The following CRTC1 variants were observed in gnomAD, a reference collection of about 807,000 sequenced individuals.
CRTC1 encodes the protein CREB regulated transcription coactivator 1.
In CRTC1, 18 loss-of-function variants were observed where a neutral mutation model predicts 66.1. The observed-to-expected ratio is 0.27, with a 90% CI of 0.19 to 0.40. CRTC1 has a LOEUF of 0.40. Ranked by LOEUF, CRTC1 falls within the 10% of genes least tolerant of loss-of-function variation. The pLI, the probability that CRTC1 is intolerant of heterozygous loss-of-function variation, is 1.00. For missense variants in CRTC1, 669 were observed against 887.9 expected, an observed-to-expected ratio of 0.75 and a Z score of 3.13; for synonymous variants, 416 against 398.8, an observed-to-expected ratio of 1.04 and a Z score of -0.51.
intron 1 of CRTC1, among the ~76,000 whole-genome samples, chr19:18,701,352 G>T (rs574451055): frequency 1.1e-4 from 17 of 152,396 alleles, no homozygotes. Context: ...ACATGGATTA[G>T]ATGATGCATC....
Position 18,778,910 on chromosome 19 carries a change from G to A in CRTC1, c.*1528G>A, listed in dbSNP as rs1212979015. On this transcript the variant is annotated 3_prime_UTR_variant, in exon 14 of 14. Coordinates refer to ENST00000321949, the MANE Select transcript of CRTC1 (RefSeq NM_015321.3). Reference sequence around the variant, plus strand: ...CTGGCTGCCCCTTCTTGGCAGCTCAGGGTCGTGGCAGGTGGACTTGGAGAC... The same window carrying A: ...CTGGCTGCCCCTTCTTGGCAGCTCAAGGTCGTGGCAGGTGGACTTGGAGAC... 4.3e-6 allele frequency: 1 copy of A among 231,512 alleles called. No individual in the cohort carries two copies. The highest frequency in any genetic ancestry group is 8.5e-6 in the Non-Finnish European group (1 of 117,032). The allele number at this position is 231,512 out of a possible 1,614,324, so 14.3% of individuals were successfully genotyped here.
rs2055024185 is a variant in CRTC1 at position 18,777,677 on chromosome 19, G to A, written c.*295G>A. On this transcript the variant is annotated 3_prime_UTR_variant, in exon 14 of 14. Transcript: ENST00000321949. The surrounding 1 kb of genome is among the most constrained non-coding windows in gnomAD (Gnocchi z 5.5). ...CTGGCTCCCTCGCCCCCAGCCCCGG[G>A]GCCTGAGCCGTCCCCTGTAAGATGC... The A allele has an allele frequency of 4.6e-6, 2 of 435,188 alleles. No individual in the cohort carries two copies. The highest frequency in any genetic ancestry group is 9.3e-5 in the Admixed American group (2 of 21,586). 27.0% of individuals were successfully genotyped at this position (435,188 alleles called of 1,614,324 possible). A position where few individuals can be genotyped will look rare whatever the true frequency, so the allele number is the denominator to read the frequency against.
At chr19:18,695,709 C>T (rs973662402) in intron 1 of CRTC1, among the ~76,000 whole-genome samples, 8 of 152,020 alleles carry the variant, frequency 5.3e-5, no homozygotes, top group African/African-American at 1.4e-4. Context: ...ACTAAAAATA[C>T]GGAAAATTGG....
intron 6 of CRTC1, among the ~76,000 whole-genome samples, chr19:18,758,378 A>G (rs1314437229): frequency 1.3e-5 from 2 of 151,694 alleles, no homozygotes; most frequent in African/African-American, 4.8e-5. Flanking sequence ...AAAAAAAAGA[A>G]AGAAAAAAAA....
Position 18,753,547 on chromosome 19 carries a change from G to A in CRTC1, c.586G>A (p.Asp196Asn). The change falls in exon 6 of 14, where the codon GAC (aspartate) becomes AAC (asparagine). Residue 196 changes from aspartate (D) to asparagine (N), a missense_variant. This residue lies in a region of CRTC1 where 214 missense variants were observed against 323.4 expected (regional missense o/e 0.66). Transcript: ENST00000321949. ...AATGGAAGAGACCACATCAGAGGCA[G>A]ACAAAAACCTTTCCAAGCAAGCATG... Reference protein sequence around the residue: ...PGMEETTSEADKNLSKQAWDT... With the variant: ...PGMEETTSEANKNLSKQAWDT... 20 of 1,613,242 alleles carry A rather than the reference G, an allele frequency of 1.2e-5. No homozygotes were observed. Among genetic ancestry groups the A allele is most frequent in the Non-Finnish European group, 1.7e-5 (20 of 1,179,576 alleles).
In CRTC1 at chr19:18,747,140, G is replaced by A. The variant is rs201266874; in HGVS notation, c.443+26G>A. ...GTCAGTGGCTGGACACCCCCCCCCC[G>A]CCCCCTTCTTGTTGGAAACAAAACC... On this transcript the variant is annotated intron_variant, in intron 4 of 13. Coordinates refer to ENST00000321949, the MANE Select transcript of CRTC1 (RefSeq NM_015321.3). 1.4e-4 allele frequency: 163 copies of A among 1,192,884 alleles called. 1 individual carries two copies. The highest frequency in any genetic ancestry group is 1.3e-3 in the East Asian group (45 of 33,516). 73.9% of individuals were successfully genotyped at this position (1,192,884 alleles called of 1,614,324 possible).
At position 18,741,830 on chromosome 19, in the gene CRTC1, G is replaced by A. The variant is rs2054117163; in HGVS notation, c.127-1080G>A. On this transcript the variant is annotated intron_variant, in intron 1 of 13. Coordinates refer to ENST00000321949, the MANE Select transcript of CRTC1 (RefSeq NM_015321.3). The surrounding 1 kb of genome is among the most constrained non-coding windows in gnomAD (Gnocchi z 4.2). ...CTGGGCGAGGTGCTCAGCCGGGCAGGTGGCCAGTTCCCGGGCTTTACTTCC... is the reference window on the plus strand; with the variant it reads ...CTGGGCGAGGTGCTCAGCCGGGCAGATGGCCAGTTCCCGGGCTTTACTTCC... Among the ~76,000 whole-genome samples, 1 of 152,204 alleles carries A rather than the reference G, an allele frequency of 6.6e-6. No homozygotes were observed. Among genetic ancestry groups the A allele is most frequent in the Non-Finnish European group, 1.5e-5 (1 of 68,030 alleles).
At position 18,782,231 on chromosome 19, in the gene CRTC1, C is replaced by CTGAGA; in HGVS notation, c.*4849_*4850insTGAGA. 4.4e-6 allele frequency: 1 copy of CTGAGA among 228,404 alleles called. No individual in the cohort carries two copies. Among genetic ancestry groups the CTGAGA allele is most frequent in the Non-Finnish European group, 8.7e-6 (1 of 114,926 alleles). The allele number at this position is 228,404 out of a possible 1,614,324, so 14.1% of individuals were successfully genotyped here. On this transcript the variant is annotated 3_prime_UTR_variant, in exon 14 of 14. Coordinates refer to ENST00000321949, the MANE Select transcript of CRTC1 (RefSeq NM_015321.3). The stretch of plus-strand genomic sequence containing the variant: ...GCGGGCGGGGGCAGGCGGCTCAGGG[C>CTGAGA]ACACTCGGCCGTCCCTGCCCCATCC...
chr19:18,733,191 AG>A (rs754403267), intron 1 of CRTC1, among the ~76,000 whole-genome samples: 1 of 152,050 alleles, frequency 6.6e-6, no homozygotes, highest in Non-Finnish European at 1.5e-5. Context: ...TCAATTTACC[AG>A]CTTGCAAAAT....
At chr19:18,710,138 G>A (rs912640655) in intron 1 of CRTC1, among the ~76,000 whole-genome samples, 2 of 151,964 alleles carry the variant, frequency 1.3e-5, no homozygotes, top group African/African-American at 4.8e-5. Context: ...CCCAGCTCCA[G>A]CGTCACCTCC....
chr19:18,702,920 G>A (rs970722199), intron 1 of CRTC1, among the ~76,000 whole-genome samples: 2 of 151,974 alleles, frequency 1.3e-5, no homozygotes, highest in South Asian at 2.1e-4. Context: ...ACCTGGTTGC[G>A]ACGGCCGGGC....
rs2054120985 is a variant in CRTC1, at chr19:18,741,984, C to A, written c.127-926C>A. ...TACACAGTGTCCACCCTAGCAACCGCCCCTGCCGGGCCAGAGTGGACAACC... is the reference window on the plus strand; with the variant it reads ...TACACAGTGTCCACCCTAGCAACCGACCCTGCCGGGCCAGAGTGGACAACC... On this transcript the variant is annotated intron_variant, in intron 1 of 13. Transcript: ENST00000321949. The surrounding 1 kb of genome is among the most constrained non-coding windows in gnomAD (Gnocchi z 4.2). 6.6e-6 allele frequency among the ~76,000 whole-genome samples: 1 copy of A among 152,172 alleles called. No homozygotes were observed. The highest frequency in any genetic ancestry group is 1.5e-5 in the Non-Finnish European group (1 of 68,016).
intron 6 of CRTC1, among the ~76,000 whole-genome samples, chr19:18,756,172 A>G (rs980033515): frequency 6.6e-6 from 1 of 152,014 alleles, no homozygotes; most frequent in African/African-American, 2.4e-5. Context: ...CGTTTCTACT[A>G]AATACAAAAA....
intron 6 of CRTC1, among the ~76,000 whole-genome samples, chr19:18,755,959 A>G (rs2054474850): frequency 6.6e-6 from 1 of 152,056 alleles, no homozygotes; most frequent in Non-Finnish European, 1.5e-5. Context: ...GTTAGTCTCA[A>G]ACTCCTGGGC....
chr19:18,743,972 T>C (rs2054170685), intron 2 of CRTC1: 15 of 797,116 alleles, frequency 1.9e-5, no homozygotes, highest in Non-Finnish European at 2.8e-5. Context: ...TCAGCCTGAG[T>C]GGGGCTGAGG....
intron 6 of CRTC1, 77 bp downstream of exon 6, chr19:18,753,662 T>C (rs1434945118): frequency 1.8e-6 from 2 of 1,108,442 alleles, no homozygotes; most frequent in Non-Finnish European, 2.7e-6. Context: ...GGTGACAAAA[T>C]GGCAGGTTGG....
chr19:18,723,607 A>G (rs138185452), intron 1 of CRTC1, among the ~76,000 whole-genome samples: 31 of 152,334 alleles, frequency 2.0e-4, no homozygotes, highest in African/African-American at 7.2e-4. Flanking sequence ...TGGGTTTCCT[A>G]ACGGTGGGCT....
intron 6 of CRTC1, 89 bp from the exon 7 acceptor site, chr19:18,759,462 G>C: frequency 3.0e-6 from 4 of 1,350,896 alleles, no homozygotes; most frequent in Non-Finnish European, 1.0e-6. Flanking sequence ...TTTGTGGGAA[G>C]ATCAGCCGTT....
intron 11 of CRTC1, among the ~76,000 whole-genome samples, chr19:18,774,325 C>T (rs1007845874): frequency 2.6e-5 from 4 of 152,242 alleles, no homozygotes; most frequent in African/African-American, 9.6e-5. Flanking sequence ...GAGAGCCCTG[C>T]TGGCCTCAGA....
Sources: gnomAD v4.1 joint callset for allele counts (sites outside exome capture counted in the v4.1 genomes callset) on GRCh38, gnomAD v4.1.1 for gene constraint, gnomAD v4.1.1 regional missense constraint, Gnocchi (gnomAD v3.1) non-coding constraint, MANE v1.5 for transcripts, NCBI Gene and HGNC (gene_info 2026-07-23, HGNC 2026-07-21) for gene names.